The following BLACAT1 variants were observed in gnomAD, a reference collection of about 807,000 sequenced individuals.
BLACAT1 encodes the protein bladder cancer associated transcript 1.
At chr1:205,439,277 T>C (rs6696979), downstream of BLACAT1, among the ~76,000 whole-genome samples, 118,742 of 152,190 alleles carry the variant, frequency 0.78, 48,065 homozygotes, top group East Asian at 0.89. Context: ...GAAGGACTTC[T>C]GTTTATAATT....
At chr1:205,446,387 A>G (rs777815433) in intron 1 of BLACAT1, among the ~76,000 whole-genome samples, 3 of 152,128 alleles carry the variant, frequency 2.0e-5, no homozygotes, top group Non-Finnish European at 4.4e-5. Context: ...TACCCCATCC[A>G]TCTTTTCTCC....
rs1033664956 is a variant in BLACAT1, at chr1:205,450,534, C to G, written c.-37+5383G>C. 6.6e-6 allele frequency among the ~76,000 whole-genome samples: 1 copy of G among 151,604 alleles called. No homozygotes were observed. Among genetic ancestry groups the G allele is most frequent in the Non-Finnish European group, 1.5e-5 (1 of 67,906 alleles). On this transcript the variant is annotated intron_variant, in intron 1 of 1. Transcript: ENST00000629624. This position sits in a 1 kb window ranked among gnomAD's most constrained non-coding sequence, Gnocchi z 4.4. Reference sequence around the variant, plus strand: ...CCACCACTCCCCTGCCCTGGGAGGACAAGGTCAGCACTTATCTGTCCTTCC... The same window carrying G: ...CCACCACTCCCCTGCCCTGGGAGGAGAAGGTCAGCACTTATCTGTCCTTCC...
chr1:205,436,919 T>C (rs1424829610), downstream of BLACAT1: 1 of 152,306 alleles, frequency 6.6e-6, no homozygotes, highest in African/African-American at 2.4e-5. Flanking sequence ...ATGCGTGCCT[T>C]CCTGTGAGGT....
chr1:205,445,085 AG>A (rs1170747941), intron 1 of BLACAT1, among the ~76,000 whole-genome samples: 1 of 152,118 alleles, frequency 6.6e-6, no homozygotes, highest in Non-Finnish European at 1.5e-5. Context: ...GCTGCGGCTT[AG>A]GAGACCGGAT....
intron 1 of BLACAT1, among the ~76,000 whole-genome samples, chr1:205,446,810 C>T (rs1402075839): frequency 6.6e-6 from 1 of 152,194 alleles, no homozygotes; most frequent in Non-Finnish European, 1.5e-5. Flanking sequence ...CTGGCCAATT[C>T]TCATGCCTTG....
At chr1:205,445,404 C>T (rs567824835) in intron 1 of BLACAT1, among the ~76,000 whole-genome samples, 4 of 152,338 alleles carry the variant, frequency 2.6e-5, no homozygotes, top group East Asian at 3.9e-4. Context: ...GGGAGAAGCC[C>T]GCATTCTCCT....
downstream of BLACAT1, chr1:205,437,236 G>A (rs1666225376): frequency 6.6e-6 from 1 of 152,398 alleles, no homozygotes; most frequent in Non-Finnish European, 1.5e-5. Flanking sequence ...AAGCCCATGG[G>A]TTACATAACT....
exon 2 of BLACAT1, among the ~76,000 whole-genome samples, chr1:205,440,406 GAA>G (rs2102464068): frequency 6.6e-6 from 1 of 152,326 alleles, no homozygotes; most frequent in South Asian, 2.1e-4. Flanking sequence ...CAGGGGGCTG[GAA>G]AAGGATTCTT....
chr1:205,438,979 T>A, downstream of BLACAT1, among the ~76,000 whole-genome samples: 1 of 152,218 alleles, frequency 6.6e-6, no homozygotes, highest in East Asian at 1.9e-4. Context: ...CTGGTGAGCC[T>A]GTGTGGTCAG....
chr1:205,453,220 C>T (rs1666519228), intron 1 of BLACAT1, among the ~76,000 whole-genome samples: 1 of 152,166 alleles, frequency 6.6e-6, no homozygotes, highest in African/African-American at 2.4e-5. Context: ...AACCAACGCA[C>T]GAGAAGGCTA....
chr1:205,443,215 C>A (rs942769405), intron 1 of BLACAT1, among the ~76,000 whole-genome samples: 5 of 152,096 alleles, frequency 3.3e-5, no homozygotes, highest in Non-Finnish European at 7.4e-5. Context: ...AAGGAACTCC[C>A]AACTAAAACA....
At chr1:205,437,715 C>A (rs1046738417), downstream of BLACAT1, 1 of 152,218 alleles carries the variant, frequency 6.6e-6, no homozygotes, top group Non-Finnish European at 1.5e-5. Flanking sequence ...GCCCTGGACT[C>A]CAAAGGAGAC....
In BLACAT1 at chr1:205,441,434, C is replaced by T. The variant is rs893561962; in HGVS notation, c.-36-372G>A. On this transcript the variant is annotated intron_variant, in intron 1 of 1. Transcript: ENST00000629624. The surrounding 1 kb of genome is among the most constrained non-coding windows in gnomAD (Gnocchi z 4.3). Reference sequence around the variant, plus strand: ...AAGCAAGCTGGCTTAAAATAGCCTCCGGCTTGTGCCACCTTACACCAGGTT... The same window carrying T: ...AAGCAAGCTGGCTTAAAATAGCCTCTGGCTTGTGCCACCTTACACCAGGTT... Among the ~76,000 whole-genome samples, 21 of 152,274 alleles carry T rather than the reference C, an allele frequency of 1.4e-4. No homozygotes were observed. The highest frequency in any genetic ancestry group is 8.3e-4 in the South Asian group (4 of 4,822).
At chr1:205,437,983 C>A (rs890604644), downstream of BLACAT1, 2 of 152,002 alleles carry the variant, frequency 1.3e-5, no homozygotes, top group Non-Finnish European at 2.9e-5. Context: ...ATGCTACATG[C>A]AAAAAGCCCT....
At chr1:205,445,230 AC>A (rs1438006709) in intron 1 of BLACAT1, among the ~76,000 whole-genome samples, 3 of 151,568 alleles carry the variant, frequency 2.0e-5, no homozygotes, top group Non-Finnish European at 4.4e-5. Flanking sequence ...CTCCTTCCCC[AC>A]CCCTTCCCCC....
intron 1 of BLACAT1, among the ~76,000 whole-genome samples, chr1:205,446,660 C>A (rs1021737057): frequency 2.6e-5 from 4 of 152,152 alleles, no homozygotes; most frequent in Non-Finnish European, 5.9e-5. Context: ...AAATCAGGTG[C>A]CTGGACAGCC....
intron 1 of BLACAT1, among the ~76,000 whole-genome samples, chr1:205,454,527 A>AGAGT (rs1187766103): frequency 1.2e-3 from 181 of 149,170 alleles, no homozygotes; most frequent in African/African-American, 4.1e-3. Flanking sequence ...ATCTGGTGTG[A>AGAGT]GTGTGTGTGT....
At chr1:205,454,171 C>G (rs577512867) in intron 1 of BLACAT1, among the ~76,000 whole-genome samples, 4 of 152,296 alleles carry the variant, frequency 2.6e-5, no homozygotes, top group African/African-American at 9.6e-5. Context: ...GTGCTAGGCA[C>G]CAGGAGACAG....
At chr1:205,453,198 T>C (rs1241905169) in intron 1 of BLACAT1, among the ~76,000 whole-genome samples, 1 of 152,072 alleles carries the variant, frequency 6.6e-6, no homozygotes, top group African/African-American at 2.4e-5. Context: ...GTGGGTGCAG[T>C]CCCTGGCCCA....
Sources: allele counts gnomAD v4.1 joint callset (sites outside exome capture counted in the v4.1 genomes callset), GRCh38; gene constraint gnomAD v4.1.1; non-coding constraint Gnocchi (gnomAD v3.1); transcripts MANE v1.5; gene names NCBI Gene and HGNC (gene_info 2026-07-23, HGNC 2026-07-21).